The following AGMO variants were observed in gnomAD, a reference collection of about 807,000 sequenced individuals.
AGMO encodes the protein glyceryl-ether monooxygenase.
AGMO carries 75 observed loss-of-function variants against 60.2 expected under a neutral mutation model. That is an observed-to-expected ratio of 1.25 (90% confidence interval 1.03 to 1.51). The LOEUF is 1.51. Among genes scored for constraint, AGMO ranks in the 40% most tolerant of loss-of-function variants. The pLI, the probability that AGMO is intolerant of heterozygous loss-of-function variation, is 0.00. For missense variants in AGMO, 763 were observed against 525.5 expected, an observed-to-expected ratio of 1.45 and a Z score of -4.42; for synonymous variants, 261 against 177.1, an observed-to-expected ratio of 1.47 and a Z score of -3.76.
At chr7:15,396,156 T>A (rs1416179062) in intron 5 of AGMO, 1 of 152,352 alleles carries the variant, frequency 6.6e-6, no homozygotes, top group Admixed American at 6.5e-5. Context: ...AACCTTGTTT[T>A]ATATGTCAAT....
At chr7:15,414,920 C>T (rs997791703) in intron 5 of AGMO, among the ~76,000 whole-genome samples, 2 of 151,826 alleles carry the variant, frequency 1.3e-5, no homozygotes, top group Non-Finnish European at 2.9e-5. Flanking sequence ...ATAAATGGGG[C>T]TATAGTGGTT....
intron 12 of AGMO, among the ~76,000 whole-genome samples, chr7:15,314,004 T>C (rs150697152): frequency 2.0e-5 from 3 of 152,054 alleles, no homozygotes; most frequent in African/African-American, 4.8e-5. Flanking sequence ...TAGGCTAATA[T>C]TGAACTTCTG....
chr7:15,218,635 AATAT>A (rs1224262494), intron 12 of AGMO, among the ~76,000 whole-genome samples: 1 of 152,076 alleles, frequency 6.6e-6, no homozygotes, highest in Non-Finnish European at 1.5e-5. Flanking sequence ...TTTTTGAAAA[AATAT>A]ATAGTTTAAA....
chr7:15,422,874 TC>T (rs911999535), intron 4 of AGMO, among the ~76,000 whole-genome samples: 4 of 152,140 alleles, frequency 2.6e-5, no homozygotes, highest in Non-Finnish European at 4.4e-5. Context: ...GCACAGGATT[TC>T]AGCAGAGGAT....
intron 5 of AGMO, among the ~76,000 whole-genome samples, chr7:15,401,084 C>T (rs575651971): frequency 3.9e-5 from 6 of 152,122 alleles, no homozygotes; most frequent in African/African-American, 1.4e-4. Context: ...TAAATGCTTA[C>T]TCTGATCACA....
At chr7:15,387,615 T>A (rs529652950) in intron 8 of AGMO, 75 bp from the exon 9 acceptor site, 1 of 1,331,506 alleles carries the variant, frequency 7.5e-7, no homozygotes, top group Admixed American at 2.2e-5. Context: ...TTATGTATAT[T>A]ATTTTATTGT....
intron 3 of AGMO, among the ~76,000 whole-genome samples, chr7:15,437,998 C>G (rs536025775): frequency 6.6e-6 from 1 of 151,830 alleles, no homozygotes; most frequent in Admixed American, 6.6e-5. Flanking sequence ...CTTTTTTATT[C>G]GTGTTCAGAT....
intron 3 of AGMO, among the ~76,000 whole-genome samples, chr7:15,532,875 C>G (rs755295895): frequency 6.6e-6 from 1 of 152,060 alleles, no homozygotes; most frequent in Non-Finnish European, 1.5e-5. Flanking sequence ...CCTACAGACA[C>G]AGCTACTCAG....
Position 15,525,334 on chromosome 7 carries a change from C to G in AGMO, c.409+19438G>C, listed in dbSNP as rs12699730. 5.7e-3 allele frequency among the ~76,000 whole-genome samples: 859 copies of G among 151,934 alleles called. 5 individuals are homozygous for G. The highest frequency in any genetic ancestry group is 9.4e-3 in the Non-Finnish European group (641 of 67,972). ...AAATCTGCGGACTAGATTGAGAACC[C>G]TTCCTCCCATTTGGTATGACTTCCT... On this transcript the variant is annotated intron_variant, in intron 3 of 12. Coordinates refer to ENST00000342526, the MANE Select transcript of AGMO (RefSeq NM_001004320.2).
At chr7:15,525,909 T>A (rs1784116832) in intron 3 of AGMO, among the ~76,000 whole-genome samples, 1 of 152,194 alleles carries the variant, frequency 6.6e-6, no homozygotes, top group Admixed American at 6.5e-5. Flanking sequence ...TGGGCACCAC[T>A]GCATTCCCCT....
chr7:15,144,137 A>C, the AGMO span, among the ~76,000 whole-genome samples: 1 of 152,234 alleles, frequency 6.6e-6, no homozygotes, highest in Admixed American at 6.5e-5. Context: ...TTTCAAATGC[A>C]CAAACCTGTC....
At chr7:15,435,662 C>CT (rs1289728335) in intron 3 of AGMO, among the ~76,000 whole-genome samples, 11 of 151,652 alleles carry the variant, frequency 7.3e-5, no homozygotes, top group African/African-American at 2.2e-4. Flanking sequence ...AGGCCATAGC[C>CT]TTTTTTTTAA....
At chr7:15,354,359 T>TGTGTATATACACGC (rs1554422586) in intron 12 of AGMO, among the ~76,000 whole-genome samples, 1 of 59,498 alleles carries the variant, frequency 1.7e-5, no homozygotes, top group Non-Finnish European at 3.0e-5. Flanking sequence ...TATATAGACG[T>TGTGTATATACACGC]GTGTATATAG....
intron 10 of AGMO, among the ~76,000 whole-genome samples, chr7:15,377,703 G>T (rs528843474): frequency 6.6e-6 from 1 of 151,914 alleles, no homozygotes; most frequent in Admixed American, 6.6e-5. Context: ...AGATGACCCT[G>T]GCTTTTCTTT....
chr7:15,253,722 AG>A (rs1392479525), intron 12 of AGMO, among the ~76,000 whole-genome samples: 3 of 152,200 alleles, frequency 2.0e-5, no homozygotes, highest in East Asian at 3.9e-4. Flanking sequence ...TCTCTCTTCT[AG>A]CTATTTGAAA....
chr7:15,458,770 T>A (rs1782059478), intron 3 of AGMO, among the ~76,000 whole-genome samples: 2 of 152,130 alleles, frequency 1.3e-5, no homozygotes, highest in Admixed American at 6.5e-5. Context: ...ATTAGTGAAT[T>A]GCCTAAGACG....
the AGMO span, among the ~76,000 whole-genome samples, chr7:15,174,503 C>G: frequency 6.6e-6 from 1 of 152,090 alleles, no homozygotes; most frequent in Non-Finnish European, 1.5e-5. Flanking sequence ...AAAAGATGGA[C>G]TCCTTGGTAA....
At chr7:15,282,692 T>G (rs1339415550) in intron 12 of AGMO, among the ~76,000 whole-genome samples, 4 of 152,200 alleles carry the variant, frequency 2.6e-5, no homozygotes, top group Admixed American at 2.0e-4. Context: ...AAAACTTCCC[T>G]GGCTTTGTTA....
intron 3 of AGMO, among the ~76,000 whole-genome samples, chr7:15,441,880 C>T (rs1247716763): frequency 6.6e-6 from 1 of 152,148 alleles, no homozygotes. Flanking sequence ...TCTCTTCATT[C>T]CTCCCTAATG....
Sources: allele counts gnomAD v4.1 joint callset (sites outside exome capture counted in the v4.1 genomes callset), GRCh38; gene constraint gnomAD v4.1.1; transcripts MANE v1.5; gene names NCBI Gene and HGNC (gene_info 2026-07-23, HGNC 2026-07-21).